Variants in PDZRN4 observed in about 807,000 individuals in gnomAD.
PDZRN4 encodes the protein PDZ domain-containing RING finger protein 4.
A neutral mutation model predicts 99.0 loss-of-function variants in PDZRN4; 70 were observed. The observed-to-expected ratio is 0.71, with a 90% CI of 0.58 to 0.86. The LOEUF is 0.86. PDZRN4 is among the 40% of genes least tolerant of loss of function. PDZRN4 has a pLI of 0.00. For missense variants in PDZRN4, 1,474 were observed against 1,331.2 expected, an observed-to-expected ratio of 1.11 and a Z score of -1.67; for synonymous variants, 551 against 501.6, an observed-to-expected ratio of 1.10 and a Z score of -1.32.
At chr12:41,490,005 G>A (rs576925486) in intron 3 of PDZRN4, among the ~76,000 whole-genome samples, 1 of 149,296 alleles carries the variant, frequency 6.7e-6, no homozygotes, top group Non-Finnish European at 1.5e-5. Flanking sequence ...ACTGATCTGG[G>A]CATTAAAAGT....
intron 3 of PDZRN4, among the ~76,000 whole-genome samples, chr12:41,351,695 G>A (rs1027624397): frequency 2.0e-5 from 3 of 151,924 alleles, no homozygotes; most frequent in Admixed American, 6.6e-5. Flanking sequence ...CTCCCACAAG[G>A]CCCCTCCTCC....
Position 41,229,042 on chromosome 12 carries a change from CTCAA to C in PDZRN4, c.843+34859_843+34862del, listed in dbSNP as rs1417448980. ...TCTCTCCCTGAAGTAAACCTATGACCTCAATCAAATTCTGCATGATGTAGTGCTT... is the reference window on the plus strand; with the variant it reads ...TCTCTCCCTGAAGTAAACCTATGACCTCAAATTCTGCATGATGTAGTGCTT... On this transcript the variant is annotated intron_variant, in intron 3 of 9. Coordinates refer to ENST00000402685, the MANE Select transcript of PDZRN4 (RefSeq NM_001164595.2). Among the ~76,000 whole-genome samples, 5 of 151,880 alleles carry C rather than the reference CTCAA, an allele frequency of 3.3e-5. No individual in the cohort carries two copies. In the South Asian group the frequency reaches 1.0e-3, roughly 32 times the overall value.
chr12:41,251,799 CA>C (rs1566396005), intron 3 of PDZRN4, among the ~76,000 whole-genome samples: 1 of 152,072 alleles, frequency 6.6e-6, no homozygotes, highest in African/African-American at 2.4e-5. Context: ...ATTTACACAA[CA>C]AACCAATTTA....
intron 3 of PDZRN4, among the ~76,000 whole-genome samples, chr12:41,380,676 G>A (rs1194022509): frequency 1.3e-5 from 2 of 151,824 alleles, no homozygotes; most frequent in Non-Finnish European, 2.9e-5. Context: ...TTGTTTTATT[G>A]TGTGTCCAAT....
intron 5 of PDZRN4, among the ~76,000 whole-genome samples, chr12:41,548,571 A>T (rs79658361): frequency 6.6e-6 from 1 of 152,142 alleles, no homozygotes; most frequent in Non-Finnish European, 1.5e-5. Context: ...CTCTTCTTCA[A>T]ACTTGAATAG....
intron 3 of PDZRN4, among the ~76,000 whole-genome samples, chr12:41,325,362 A>G (rs1163612383): frequency 6.6e-6 from 1 of 152,228 alleles, no homozygotes; most frequent in Non-Finnish European, 1.5e-5. Context: ...AAAATGAACC[A>G]AGATTCATTT....
chr12:41,266,642 G>A (rs1188198080), intron 3 of PDZRN4, among the ~76,000 whole-genome samples: 1 of 152,142 alleles, frequency 6.6e-6, no homozygotes, highest in Admixed American at 6.5e-5. Context: ...TGGAAGTGGG[G>A]GTAGTAGTTG....
At chr12:41,260,350 T>C (rs1951228895) in intron 3 of PDZRN4, among the ~76,000 whole-genome samples, 1 of 151,982 alleles carries the variant, frequency 6.6e-6, no homozygotes, top group African/African-American at 2.4e-5. Context: ...AAACAAAGGG[T>C]ATGAGAAGTG....
chr12:41,535,784 C>T (rs1392272709), intron 5 of PDZRN4, among the ~76,000 whole-genome samples: 2 of 152,174 alleles, frequency 1.3e-5, no homozygotes, highest in Admixed American at 6.5e-5. Flanking sequence ...GCCCTTCCAC[C>T]GTGGGATGAT....
intron 3 of PDZRN4, among the ~76,000 whole-genome samples, chr12:41,239,100 T>C (rs1207351649): frequency 4.6e-5 from 7 of 152,210 alleles, no homozygotes; most frequent in Non-Finnish European, 8.8e-5. Context: ...AAAGATAATG[T>C]GGTAAATATA....
intron 3 of PDZRN4, among the ~76,000 whole-genome samples, chr12:41,464,109 G>A (rs1592070068): frequency 6.6e-6 from 1 of 152,088 alleles, no homozygotes; most frequent in African/African-American, 2.4e-5. Flanking sequence ...TGGCTGCTTT[G>A]TCCTCCACAC....
At chr12:41,320,941 G>A (rs753321253) in intron 3 of PDZRN4, among the ~76,000 whole-genome samples, 10 of 151,862 alleles carry the variant, frequency 6.6e-5, no homozygotes, top group Non-Finnish European at 1.5e-4. Context: ...TTGTTTGCTT[G>A]CATCTTCTAG....
At chr12:41,209,670 A>G (rs1341161532) in intron 3 of PDZRN4, among the ~76,000 whole-genome samples, 3 of 151,204 alleles carry the variant, frequency 2.0e-5, no homozygotes, top group Admixed American at 6.6e-5. Flanking sequence ...TACAAAGGAC[A>G]TGAACTCATC....
intron 3 of PDZRN4, among the ~76,000 whole-genome samples, chr12:41,479,350 G>GT (rs1471482857): frequency 6.6e-6 from 1 of 152,070 alleles, no homozygotes; most frequent in Non-Finnish European, 1.5e-5. Context: ...AGTTATGATA[G>GT]TATTATGATA....
chr12:41,314,949 C>A (rs750210749), intron 3 of PDZRN4, among the ~76,000 whole-genome samples: 21 of 151,998 alleles, frequency 1.4e-4, no homozygotes, highest in Non-Finnish European at 2.8e-4. Flanking sequence ...TTTAAGTCAT[C>A]AAGAATGGTA....
intron 5 of PDZRN4, among the ~76,000 whole-genome samples, chr12:41,542,983 G>C (rs1938885082): frequency 6.6e-6 from 1 of 151,998 alleles, no homozygotes; most frequent in Admixed American, 6.5e-5. Context: ...ATGCATATTG[G>C]CCTCCCTCTC....
intron 3 of PDZRN4, among the ~76,000 whole-genome samples, chr12:41,415,254 A>C (rs539478115): frequency 1.3e-5 from 2 of 151,880 alleles, no homozygotes; most frequent in East Asian, 3.9e-4. Flanking sequence ...TACAATAAAA[A>C]ATGTAGACAT....
At chr12:41,510,608 A>G (rs772343951) in intron 5 of PDZRN4, among the ~76,000 whole-genome samples, 1 of 152,146 alleles carries the variant, frequency 6.6e-6, no homozygotes, top group Non-Finnish European at 1.5e-5. Flanking sequence ...TTTAAAAATA[A>G]AATAGATTGA....
At chr12:41,288,182 A>G (rs558630426) in intron 3 of PDZRN4, among the ~76,000 whole-genome samples, 1 of 152,304 alleles carries the variant, frequency 6.6e-6, no homozygotes, top group South Asian at 2.1e-4. Context: ...GGCATTATGT[A>G]CTGTAGGTAA....
Sources: gnomAD v4.1 joint callset for allele counts (sites outside exome capture counted in the v4.1 genomes callset) on GRCh38, gnomAD v4.1.1 for gene constraint, MANE v1.5 for transcripts, NCBI Gene and HGNC (gene_info 2026-07-23, HGNC 2026-07-21) for gene names.